The following VWA3B variants were observed in gnomAD, a reference collection of about 807,000 sequenced individuals.
The protein encoded by VWA3B is von Willebrand factor A domain containing 3B.
Under a neutral mutation model 158.3 loss-of-function variants are expected in VWA3B, and 138 were observed. The ratio of observed to expected loss-of-function variants is 0.87; its 90% confidence interval spans 0.76 to 1.00. The LOEUF (loss-of-function observed/expected upper bound fraction) is 1.00. Among genes scored for constraint, VWA3B ranks in the 50% least tolerant of loss-of-function variants. VWA3B has a pLI of 0.00. For synonymous variants in VWA3B, 596 were observed against 587.3 expected, an observed-to-expected ratio of 1.01 and a Z score of -0.21; for missense variants, 1,555 against 1,565.1, an observed-to-expected ratio of 0.99 and a Z score of 0.11.
Position 98,168,376 on chromosome 2 carries a change from TACACAC to T in VWA3B, c.1114+5428_1114+5433del, listed in dbSNP as rs148619678. 5.9e-3 allele frequency among the ~76,000 whole-genome samples: 863 copies of T among 145,620 alleles called. 10 individuals are homozygous for T. Among genetic ancestry groups the T allele is most frequent in the African/African-American group, 0.02 (793 of 39,038 alleles). On this transcript the variant is annotated intron_variant, in intron 8 of 27. Transcript: ENST00000477737. ...TTTGTTTCAATCTAATACACACACA[TACACAC>T]ACACACACACACACACACACACACA...
At chr2:98,210,098 CTA>C (rs1683382631) in intron 12 of VWA3B, among the ~76,000 whole-genome samples, 1 of 152,146 alleles carries the variant, frequency 6.6e-6, no homozygotes. Flanking sequence ...AGCCCTTAGC[CTA>C]GTAAGTACTC....
chr2:98,153,066 C>T (rs1021820472), intron 7 of VWA3B, among the ~76,000 whole-genome samples: 6 of 152,176 alleles, frequency 3.9e-5, no homozygotes, highest in Non-Finnish European at 5.9e-5. Flanking sequence ...CCACGACAGG[C>T]GTCACTAATC....
chr2:98,190,297 A>G (rs1258418866), intron 10 of VWA3B, among the ~76,000 whole-genome samples: 1 of 152,188 alleles, frequency 6.6e-6, no homozygotes, highest in Non-Finnish European at 1.5e-5. Flanking sequence ...TGTATATTAC[A>G]GGAATCTTAC....
chr2:98,162,588 A>G (rs1678705996), intron 7 of VWA3B, among the ~76,000 whole-genome samples: 1 of 152,200 alleles, frequency 6.6e-6, no homozygotes, highest in South Asian at 2.1e-4. Flanking sequence ...TCAATAATTC[A>G]TTTTAAATAT....
At position 98,093,192 on chromosome 2, in the gene VWA3B, A is replaced by G. The variant is rs1194312133; in HGVS notation, c.100A>G (p.Ile34Val). ...TKTDLAEQSL[I>V]SSEKWLQLHG... ...AACAGACTTGGCTGAGCAGAGTCTCATTTCATCTGAGAAATGGCTTCAACT... is the reference window on the plus strand; with the variant it reads ...AACAGACTTGGCTGAGCAGAGTCTCGTTTCATCTGAGAAATGGCTTCAACT... Residue 34 changes from isoleucine (I) to valine (V), a missense_variant, in exon 2 of 28, where the codon ATT becomes GTT. Coordinates refer to ENST00000477737, the MANE Select transcript of VWA3B (RefSeq NM_144992.5). The G allele has an allele frequency of 3.1e-6, 5 of 1,614,018 alleles. No individual in the cohort carries two copies. The highest frequency in any genetic ancestry group is 4.2e-6 in the Non-Finnish European group (5 of 1,180,018).
chr2:98,303,898 G>A, intron 26 of VWA3B, 96 bp downstream of exon 26: 1 of 1,179,174 alleles, frequency 8.5e-7, no homozygotes, highest in Non-Finnish European at 1.2e-6. Flanking sequence ...TAAATACTAG[G>A]GAAGAAAAGT....
intron 7 of VWA3B, among the ~76,000 whole-genome samples, chr2:98,149,824 A>G (rs1388452377): frequency 1.3e-5 from 2 of 152,210 alleles, no homozygotes; most frequent in East Asian, 1.9e-4. Context: ...TTAAAAAGCT[A>G]TAATTGTTTT....
At chr2:98,121,265 C>G in intron 4 of VWA3B, 34 bp from the exon 5 acceptor site, 1 of 1,600,650 alleles carries the variant, frequency 6.2e-7, no homozygotes, top group Non-Finnish European at 8.6e-7. Flanking sequence ...GCACTGATCA[C>G]TGCCCAGTGA....
intron 8 of VWA3B, among the ~76,000 whole-genome samples, chr2:98,180,125 TCCTCCCTC>T (rs756905569): frequency 6.7e-6 from 1 of 149,868 alleles, no homozygotes; most frequent in Non-Finnish European, 1.5e-5. Context: ...TCTGTCTCTC[TCCTCCCTC>T]CCTCCCTCCC....
chr2:98,182,273 A>AC (rs1157050284), intron 9 of VWA3B, among the ~76,000 whole-genome samples: 1 of 152,154 alleles, frequency 6.6e-6, no homozygotes, highest in Non-Finnish European at 1.5e-5. Context: ...ACTCCAGCAG[A>AC]GGGGGAACTC....
chr2:98,224,143 G>T (rs1227130856), intron 14 of VWA3B, among the ~76,000 whole-genome samples: 1 of 152,100 alleles, frequency 6.6e-6, no homozygotes, highest in African/African-American at 2.4e-5. Context: ...TTACAGGAGG[G>T]TTTTCAAGCT....
chr2:98,319,546 A>G, the VWA3B span, among the ~76,000 whole-genome samples: 2 of 152,188 alleles, frequency 1.3e-5, no homozygotes, highest in African/African-American at 4.8e-5. Context: ...AAATATGAAA[A>G]GATGTTTAAC....
chr2:98,326,631 T>G, the VWA3B span, among the ~76,000 whole-genome samples: 2 of 151,892 alleles, frequency 1.3e-5, no homozygotes, highest in Non-Finnish European at 2.9e-5. Context: ...CGTGGTGGCA[T>G]GCACCTGTGG....
intron 25 of VWA3B, among the ~76,000 whole-genome samples, chr2:98,301,533 G>A (rs996907342): frequency 6.6e-5 from 10 of 152,216 alleles, no homozygotes; most frequent in Admixed American, 6.5e-4. Context: ...GTGTCTGACA[G>A]GTAGGTGTTA....
intron 22 of VWA3B, among the ~76,000 whole-genome samples, chr2:98,276,010 C>T (rs1688499663): frequency 6.6e-6 from 1 of 152,188 alleles, no homozygotes; most frequent in Non-Finnish European, 1.5e-5. Context: ...CTGCTGCTGC[C>T]TCTTGGTCAG....
chr2:98,214,862 C>G (rs568718920), intron 13 of VWA3B, among the ~76,000 whole-genome samples: 1 of 152,284 alleles, frequency 6.6e-6, no homozygotes, highest in East Asian at 1.9e-4. Context: ...GTGAGTATAT[C>G]TGTACGTGTA....
At chr2:98,324,718 C>T in the VWA3B span, among the ~76,000 whole-genome samples, 1 of 152,126 alleles carries the variant, frequency 6.6e-6, no homozygotes, top group Non-Finnish European at 1.5e-5. Flanking sequence ...AAAATGTGAT[C>T]TCCCAGTTTC....
At chr2:98,328,068 C>T in the VWA3B span, among the ~76,000 whole-genome samples, 1 of 152,144 alleles carries the variant, frequency 6.6e-6, no homozygotes, top group Non-Finnish European at 1.5e-5. Context: ...TACCACAAGC[C>T]TCTGGGAGGT....
intron 9 of VWA3B, among the ~76,000 whole-genome samples, chr2:98,185,902 G>T (rs1349134442): frequency 1.3e-5 from 2 of 151,974 alleles, no homozygotes; most frequent in African/African-American, 2.4e-5. Flanking sequence ...TGTACCTCTG[G>T]CTGTGCCCCC....
Sources: gnomAD v4.1 joint callset for allele counts (sites outside exome capture counted in the v4.1 genomes callset) on GRCh38, gnomAD v4.1.1 for gene constraint, MANE v1.5 for transcripts, NCBI Gene and HGNC (gene_info 2026-07-23, HGNC 2026-07-21) for gene names.